RANBP2: variants seen among roughly 807,000 people sequenced by gnomAD.
The protein encoded by RANBP2 is E3 SUMO-protein ligase RanBP2.
A neutral mutation model predicts 303.6 loss-of-function variants in RANBP2; 57 were observed. The observed-to-expected ratio is 0.19, with a 90% CI of 0.15 to 0.23. The LOEUF is 0.23. Ranked by LOEUF, RANBP2 falls within the 10% of genes least tolerant of loss-of-function variation. RANBP2 has a pLI of 1.00. For synonymous variants in RANBP2, 1,167 were observed against 1,301.5 expected, an observed-to-expected ratio of 0.90 and a Z score of 2.23; for missense variants, 3,138 against 3,780.8, an observed-to-expected ratio of 0.83 and a Z score of 4.46.
the RANBP2 span, chr2:109,604,716 T>TGGGGA: frequency 3.1e-5 from 4 of 130,300 alleles, no homozygotes; most frequent in Non-Finnish European, 6.6e-5. Context: ...AACGAGACTC[T>TGGGGA]GGGGAGGGGA....
the RANBP2 span, among the ~76,000 whole-genome samples, chr2:109,199,622 T>TCAACGCGAGTGCAGG: frequency 7.6e-3 from 1 of 132 alleles, no homozygotes; most frequent in African/African-American, 0.022. Flanking sequence ...TGGAATGGAA[T>TCAACGCGAGTGCAGG]GGAATGGAAT....
the RANBP2 span, among the ~76,000 whole-genome samples, chr2:109,075,127 C>A: frequency 6.7e-6 from 1 of 148,966 alleles, no homozygotes; most frequent in Non-Finnish European, 1.5e-5. Context: ...ACAAACTAAG[C>A]CCAAAGTTAG....
chr2:109,465,211 T>G, the RANBP2 span, among the ~76,000 whole-genome samples: 1 of 152,258 alleles, frequency 6.6e-6, no homozygotes, highest in African/African-American at 2.4e-5. Flanking sequence ...AGTTTATTTA[T>G]CCATTTACTT....
At chr2:108,798,751 C>A in the RANBP2 span, among the ~76,000 whole-genome samples, 1 of 127,858 alleles carries the variant, frequency 7.8e-6, no homozygotes, top group Non-Finnish European at 1.6e-5. Context: ...TTTTTCTGAT[C>A]CATTTGAAAG....
At chr2:108,907,543 G>A in the RANBP2 span, among the ~76,000 whole-genome samples, 19 of 152,130 alleles carry the variant, frequency 1.2e-4, no homozygotes, top group South Asian at 3.9e-3. Context: ...AGCTACTTGG[G>A]AGGCTGAGAC....
chr2:109,705,848 A>C, the RANBP2 span, among the ~76,000 whole-genome samples: 2 of 152,242 alleles, frequency 1.3e-5, no homozygotes, highest in African/African-American at 4.8e-5. Context: ...GGAAATGGTT[A>C]TCTAATGGAC....
chr2:109,123,319 T>TTTAC, the RANBP2 span, among the ~76,000 whole-genome samples: 3 of 129,940 alleles, frequency 2.3e-5, no homozygotes, highest in African/African-American at 9.0e-5. Context: ...CTTTTCTTTC[T>TTTAC]TTCCTTCCTT....
chr2:109,604,376 G>GAAA, the RANBP2 span, among the ~76,000 whole-genome samples: 2 of 89,424 alleles, frequency 2.2e-5, no homozygotes, highest in African/African-American at 8.4e-5. Context: ...AGGAAAGAAG[G>GAAA]GAAGGGAAGG....
At chr2:109,223,074 C>T in the RANBP2 span, among the ~76,000 whole-genome samples, 17 of 152,254 alleles carry the variant, frequency 1.1e-4, no homozygotes. Flanking sequence ...AGGCTGGCAC[C>T]ACGCCCTGAT....
chr2:109,413,875 A>G, the RANBP2 span, among the ~76,000 whole-genome samples: 1,094 of 152,324 alleles, frequency 7.2e-3, 11 homozygotes, highest in Non-Finnish European at 0.012. Context: ...TCCGCATCCC[A>G]TGAGTGGGAT....
rs376170468 is a variant in RANBP2, at chr2:108,727,475, C to T, written c.73-1657C>T. On this transcript the variant is annotated intron_variant, in intron 1 of 28. Transcript: ENST00000283195. ...CAAACAGGAAACATGTTTCGATTGA[C>T]GGCAACCTGGTTTGATACTATTCAT... is the stretch of plus-strand genomic sequence containing the variant. Among the ~76,000 whole-genome samples, 754 of 152,068 alleles carry T rather than the reference C, an allele frequency of 5.0e-3. 11 individuals are homozygous for T. The highest frequency in any genetic ancestry group is 0.017 in the African/African-American group (690 of 41,490).
At chr2:108,877,483 TAAATA>T in the RANBP2 span, among the ~76,000 whole-genome samples, 5 of 151,400 alleles carry the variant, frequency 3.3e-5, no homozygotes, top group Middle Eastern at 3.2e-3. Context: ...TAAAAATAAA[TAAATA>T]AAATAAAAAC....
chr2:109,271,269 C>A, the RANBP2 span, among the ~76,000 whole-genome samples: 1 of 152,200 alleles, frequency 6.6e-6, no homozygotes, highest in Admixed American at 6.5e-5. Context: ...TGGCCCTGCA[C>A]CCAGGAGTCT....
chr2:108,728,029 G>T (rs1175849298), intron 1 of RANBP2, among the ~76,000 whole-genome samples: 1 of 152,100 alleles, frequency 6.6e-6, no homozygotes, highest in Non-Finnish European at 1.5e-5. Context: ...GTAAAATACT[G>T]ATCTGATCTG....
At chr2:109,129,701 T>G in the RANBP2 span, 9 of 1,534,578 alleles carry the variant, frequency 5.9e-6, no homozygotes, top group Non-Finnish European at 7.9e-6. Flanking sequence ...CTGCTGGACC[T>G]GCTGGAGTGC....
the RANBP2 span, among the ~76,000 whole-genome samples, chr2:109,105,679 T>G: frequency 2.0e-5 from 3 of 151,996 alleles, no homozygotes; most frequent in South Asian, 6.2e-4. Context: ...TTCAGCCTCC[T>G]GAGTAGCTGG....
the RANBP2 span, among the ~76,000 whole-genome samples, chr2:108,843,389 C>T: frequency 6.6e-6 from 1 of 152,124 alleles, no homozygotes; most frequent in Non-Finnish European, 1.5e-5. Flanking sequence ...AACTCCTGAC[C>T]TCAAGTGATC....
At chr2:108,832,472 C>G in the RANBP2 span, among the ~76,000 whole-genome samples, 1 of 151,730 alleles carries the variant, frequency 6.6e-6, no homozygotes, top group Non-Finnish European at 1.5e-5. Context: ...CTCGGCCTCC[C>G]AAGTAGCTGG....
At chr2:108,741,418 C>A (rs191160586) in intron 7 of RANBP2, among the ~76,000 whole-genome samples, 184 of 150,212 alleles carry the variant, frequency 1.2e-3, no homozygotes, top group African/African-American at 4.4e-3. Context: ...GGATGGTCGC[C>A]ATCTCTTGAC....
Sources: gnomAD v4.1 joint callset for allele counts (sites outside exome capture counted in the v4.1 genomes callset) on GRCh38, gnomAD v4.1.1 for gene constraint, MANE v1.5 for transcripts, NCBI Gene and HGNC (gene_info 2026-07-23, HGNC 2026-07-21) for gene names.